ANO2: variants seen among roughly 807,000 people sequenced by gnomAD.
ANO2 encodes the protein anoctamin-2.
In ANO2, 101 loss-of-function variants were observed where a neutral mutation model predicts 124.2. That is an observed-to-expected ratio of 0.81 (90% CI 0.69 to 0.96). ANO2 has a LOEUF of 0.96. Ranked by LOEUF, ANO2 falls within the 40% of genes least tolerant of loss-of-function variation. The pLI is 0.00. For missense variants in ANO2, 1,293 were observed against 1,274.5 expected (o/e 1.01, Z -0.22); for synonymous variants, 486 against 482.5 (o/e 1.01, Z -0.09).
chr12:5,840,392 T>A (rs1954477801), intron 4 of ANO2, among the ~76,000 whole-genome samples: 1 of 152,094 alleles, frequency 6.6e-6, no homozygotes, highest in African/African-American at 2.4e-5. Flanking sequence ...AGCAGTGTGG[T>A]CTGAGGGCTG....
intron 3 of ANO2, among the ~76,000 whole-genome samples, chr12:5,878,245 G>A (rs117820350): frequency 2.2e-3 from 328 of 152,360 alleles, no homozygotes; most frequent in Admixed American, 3.6e-3. Context: ...CGATAATGCT[G>A]TAAGGGAAGT....
At chr12:5,737,504 T>C (rs1950920238) in intron 13 of ANO2, among the ~76,000 whole-genome samples, 1 of 152,250 alleles carries the variant, frequency 6.6e-6, no homozygotes, top group African/African-American at 2.4e-5. Flanking sequence ...TTACACTTGC[T>C]CTCTAACAGC....
chr12:5,572,384 A>G (rs1467072247), intron 23 of ANO2, among the ~76,000 whole-genome samples: 4 of 152,124 alleles, frequency 2.6e-5, no homozygotes, highest in Admixed American at 6.5e-5. Context: ...AGGAGTTTCA[A>G]TGTGATTGTC....
intron 1 of ANO2, among the ~76,000 whole-genome samples, chr12:5,936,586 G>A (rs750555928): frequency 1.3e-5 from 2 of 152,288 alleles, no homozygotes; most frequent in South Asian, 2.1e-4. Flanking sequence ...TCCCAGCCTG[G>A]AGAACTGTAA....
intron 19 of ANO2, among the ~76,000 whole-genome samples, chr12:5,599,987 G>A (rs1352815338): frequency 6.6e-6 from 1 of 152,154 alleles, no homozygotes; most frequent in Non-Finnish European, 1.5e-5. Flanking sequence ...CTTCATGGGG[G>A]AACACAGGTC....
chr12:5,727,067 A>G (rs561730561), intron 14 of ANO2, among the ~76,000 whole-genome samples: 1 of 152,324 alleles, frequency 6.6e-6, no homozygotes, highest in East Asian at 1.9e-4. Flanking sequence ...AGGGAAGCTG[A>G]TACAGTTTGG....
At chr12:5,622,724 G>A (rs1009604068) in intron 16 of ANO2, among the ~76,000 whole-genome samples, 1 of 152,124 alleles carries the variant, frequency 6.6e-6, no homozygotes, top group Non-Finnish European at 1.5e-5. Context: ...AGCACTTTGG[G>A]AGGCTGAGGA....
chr12:5,626,438 G>A (rs1418038198), intron 16 of ANO2, among the ~76,000 whole-genome samples: 2 of 152,144 alleles, frequency 1.3e-5, no homozygotes, highest in Non-Finnish European at 2.9e-5. Context: ...TGCTGTCCAG[G>A]CCTGGAGTAC....
intron 3 of ANO2, among the ~76,000 whole-genome samples, chr12:5,905,869 A>G (rs780913244): frequency 5.3e-5 from 8 of 152,182 alleles, no homozygotes; most frequent in Non-Finnish European, 1.0e-4. Flanking sequence ...GGACCAGATG[A>G]CAGCCTGTTC....
At position 5,923,244 on chromosome 12, in the gene ANO2, GCATACACACA is replaced by G. The variant is rs1484394847; in HGVS notation, c.23-450_23-441del. Among the ~76,000 whole-genome samples, 20 of 110,398 alleles carry G rather than the reference GCATACACACA, an allele frequency of 1.8e-4. 3 individuals are homozygous for G. The highest frequency in any genetic ancestry group is 4.6e-4 in the African/African-American group (12 of 26,262). The allele number at this position is 110,398 out of a possible 152,430, so 72.4% of individuals were successfully genotyped here. On this transcript the variant is annotated intron_variant, in intron 1 of 24. Coordinates refer to ENST00000682330, the MANE Select transcript of ANO2 (RefSeq NM_001364791.2). ...CACACACATGCACACATACACACAC[GCATACACACA>G]CATACACACACACACACACACACAC...
At chr12:5,591,450 G>A (rs185055737) in intron 20 of ANO2, among the ~76,000 whole-genome samples, 8 of 152,282 alleles carry the variant, frequency 5.3e-5, no homozygotes, top group Admixed American at 1.3e-4. Context: ...TTTGTTGACC[G>A]ACTTTAGTCT....
intron 1 of ANO2, among the ~76,000 whole-genome samples, chr12:5,930,331 C>T (rs977050090): frequency 6.6e-6 from 1 of 152,104 alleles, no homozygotes; most frequent in Non-Finnish European, 1.5e-5. Context: ...TCATCCCCAC[C>T]CCAACCTCCC....
intron 1 of ANO2, among the ~76,000 whole-genome samples, chr12:5,927,476 G>A (rs753977474): frequency 6.6e-6 from 1 of 152,180 alleles, no homozygotes; most frequent in Non-Finnish European, 1.5e-5. Flanking sequence ...CCTGTTTTCA[G>A]AGTCTCCCCA....
chr12:5,925,663 G>A lies in ANO2; in HGVS notation c.23-2859C>T, dbSNP rs201428317. Among the ~76,000 whole-genome samples, 2 of 152,310 alleles carry A rather than the reference G, an allele frequency of 1.3e-5. No homozygotes were observed. Among genetic ancestry groups the A allele is most frequent in the East Asian group, 1.9e-4 (1 of 5,184 alleles). ...AGGTCAATTAGAAGGAAAGGCCATC[G>A]TACACAGCCCGTGGAACATGTCACC... On this transcript the variant is annotated intron_variant, in intron 1 of 24. Transcript: ENST00000682330. The surrounding 1 kb of genome is among the most constrained non-coding windows in gnomAD (Gnocchi z 4.6).
chr12:5,827,131 A>G (rs930825732), intron 7 of ANO2, among the ~76,000 whole-genome samples: 2 of 152,214 alleles, frequency 1.3e-5, no homozygotes, highest in African/African-American at 4.8e-5. Context: ...GCCATCACAG[A>G]TGTCTTCCAC....
chr12:5,677,189 TG>T (rs1281783324), intron 14 of ANO2, among the ~76,000 whole-genome samples: 2 of 151,598 alleles, frequency 1.3e-5, no homozygotes, highest in African/African-American at 4.9e-5. Context: ...AACAGTGGGG[TG>T]GTGCTGGGGA....
At chr12:5,648,101 T>G (rs1946737847) in intron 14 of ANO2, among the ~76,000 whole-genome samples, 1 of 152,198 alleles carries the variant, frequency 6.6e-6, no homozygotes, top group Non-Finnish European at 1.5e-5. Context: ...TGTCTCTTAT[T>G]AACATTTCTG....
At chr12:5,789,907 G>T (rs1952648164) in intron 10 of ANO2, among the ~76,000 whole-genome samples, 1 of 152,238 alleles carries the variant, frequency 6.6e-6, no homozygotes, top group Non-Finnish European at 1.5e-5. Context: ...TAGCCATGTG[G>T]TGTGGGTGGA....
intron 10 of ANO2, among the ~76,000 whole-genome samples, chr12:5,775,220 T>C (rs1424159956): frequency 6.6e-6 from 1 of 152,098 alleles, no homozygotes; most frequent in African/African-American, 2.4e-5. Flanking sequence ...TCACCTCCCT[T>C]TTCTACCACT....
Sources: gnomAD v4.1 joint callset for allele counts (sites outside exome capture counted in the v4.1 genomes callset) on GRCh38, gnomAD v4.1.1 for gene constraint, Gnocchi (gnomAD v3.1) non-coding constraint, MANE v1.5 for transcripts, NCBI Gene and HGNC (gene_info 2026-07-23, HGNC 2026-07-21) for gene names.